AGAP1: variants seen among roughly 807,000 people sequenced by gnomAD.
The protein encoded by AGAP1 is arf-GAP with GTPase, ANK repeat and PH domain-containing protein 1.
Under a neutral mutation model 105.3 loss-of-function variants are expected in AGAP1, and 29 were observed. That is an observed-to-expected ratio of 0.28 (90% CI 0.21 to 0.38). The LOEUF (loss-of-function observed/expected upper bound fraction) is 0.38. Ranked by LOEUF, AGAP1 falls within the 10% of genes least tolerant of loss-of-function variation. AGAP1 has a pLI of 1.00. For synonymous variants in AGAP1, 509 were observed against 485.9 expected (o/e 1.05, Z -0.63); for missense variants, 998 against 1,165.1 (o/e 0.86, Z 2.09).
Position 235,692,472 on chromosome 2 carries a change from G to C in AGAP1, c.164-16707G>C, listed in dbSNP as rs1949779918. Among the ~76,000 whole-genome samples, 1 of 152,092 alleles carries C rather than the reference G, an allele frequency of 6.6e-6. No homozygotes were observed. Among genetic ancestry groups the C allele is most frequent in the Non-Finnish European group, 1.5e-5 (1 of 68,000 alleles). ...GTTGCCAACTCCCAAAAGCCACCAG[G>C]TGACTTCCACTGCCGTTAGAATGAA... On this transcript the variant is annotated intron_variant, in intron 1 of 17. Coordinates refer to ENST00000304032, the MANE Select transcript of AGAP1 (RefSeq NM_001037131.3). The surrounding 1 kb of genome is among the most constrained non-coding windows in gnomAD (Gnocchi z 5.8).
At chr2:235,773,876 A>G in intron 6 of AGAP1, 1 of 448,054 alleles carries the variant, frequency 2.2e-6, no homozygotes, top group Non-Finnish European at 4.5e-6. Context: ...GCCAACATTT[A>G]TTGAAGAGAC....
intron 5 of AGAP1, among the ~76,000 whole-genome samples, chr2:235,745,445 A>G (rs1220030458): frequency 1.3e-5 from 2 of 152,176 alleles, no homozygotes; most frequent in Non-Finnish European, 2.9e-5. Flanking sequence ...CCTGAGACAC[A>G]ATGTCCTCGC....
intron 16 of AGAP1, among the ~76,000 whole-genome samples, chr2:236,093,093 A>G (rs2059105388): frequency 1.3e-5 from 2 of 152,372 alleles, no homozygotes; most frequent in Non-Finnish European, 1.5e-5. Context: ...AAAAATGCCA[A>G]CCAGTAAACA....
intron 13 of AGAP1, among the ~76,000 whole-genome samples, chr2:236,032,863 A>G (rs540412150): frequency 7.7e-4 from 117 of 152,218 alleles, no homozygotes; most frequent in Non-Finnish European, 1.3e-3. Context: ...AAGGAGAGAC[A>G]GAAATGTTGA....
intron 1 of AGAP1, among the ~76,000 whole-genome samples, chr2:235,673,976 G>A (rs1426252525): frequency 6.6e-6 from 1 of 152,216 alleles, no homozygotes; most frequent in Non-Finnish European, 1.5e-5. Flanking sequence ...GAAGCAAGAT[G>A]GCTGGAGTCT....
intron 1 of AGAP1, among the ~76,000 whole-genome samples, chr2:235,523,371 A>G (rs766206430): frequency 3.3e-5 from 5 of 152,096 alleles, no homozygotes; most frequent in African/African-American, 4.8e-5. Flanking sequence ...TGGGGAGAAA[A>G]TGTTTCCTTC....
At chr2:235,593,223 TTC>T (rs1945410817) in intron 1 of AGAP1, among the ~76,000 whole-genome samples, 1 of 152,166 alleles carries the variant, frequency 6.6e-6, no homozygotes, top group Non-Finnish European at 1.5e-5. Flanking sequence ...CTCAAGGAGA[TTC>T]TGTCTTGCAG....
intron 9 of AGAP1, among the ~76,000 whole-genome samples, chr2:235,816,326 T>G (rs111265381): frequency 0.24 from 36,117 of 150,824 alleles, 5,276 homozygotes; most frequent in Admixed American, 0.4. Flanking sequence ...TAGTCCCAGC[T>G]ACTTGGGAGC....
rs1015731553 is a variant in AGAP1 at position 236,058,768 on chromosome 2, G to A, written c.2114+9487G>A. ...CAAAAGCATCCAGATTTGAAAAGAAGTAAAACTACCTCCATTTCCAGATGA... is the reference window on the plus strand; with the variant it reads ...CAAAAGCATCCAGATTTGAAAAGAAATAAAACTACCTCCATTTCCAGATGA... On this transcript the variant is annotated intron_variant, in intron 16 of 17. Coordinates refer to ENST00000304032, the MANE Select transcript of AGAP1 (RefSeq NM_001037131.3). This position sits in a 1 kb window ranked among gnomAD's most constrained non-coding sequence, Gnocchi z 4.6. Among the ~76,000 whole-genome samples, 2 of 152,190 alleles carry A rather than the reference G, an allele frequency of 1.3e-5. No homozygotes were observed. Among genetic ancestry groups the A allele is most frequent in the African/African-American group, 2.4e-5 (1 of 41,448 alleles).
chr2:235,638,635 G>A (rs1465687565), intron 1 of AGAP1, among the ~76,000 whole-genome samples: 1 of 151,994 alleles, frequency 6.6e-6, no homozygotes. Flanking sequence ...AGTATGAATG[G>A]TGGTTCCCAA....
intron 1 of AGAP1, among the ~76,000 whole-genome samples, chr2:235,653,788 G>T (rs2149328205): frequency 6.6e-6 from 1 of 152,352 alleles, no homozygotes; most frequent in South Asian, 2.1e-4. Flanking sequence ...TGGGCACAGT[G>T]GCTCACGCCT....
chr2:235,522,753 T>C (rs1428871311), intron 1 of AGAP1, among the ~76,000 whole-genome samples: 2 of 152,194 alleles, frequency 1.3e-5, no homozygotes, highest in East Asian at 3.9e-4. Context: ...TCTTGGCCTT[T>C]GTGCCTGAGC....
At chr2:236,024,406 A>G (rs2125613922) in intron 13 of AGAP1, among the ~76,000 whole-genome samples, 1 of 152,172 alleles carries the variant, frequency 6.6e-6, no homozygotes. Flanking sequence ...GGCCTTTGCA[A>G]GAGCACAGTG....
At chr2:235,648,390 C>G (rs576488451) in intron 1 of AGAP1, among the ~76,000 whole-genome samples, 1 of 152,332 alleles carries the variant, frequency 6.6e-6, no homozygotes, top group South Asian at 2.1e-4. Context: ...GAAATGCACT[C>G]TTGGAACCAT....
chr2:235,870,270 C>T (rs920180914), intron 9 of AGAP1, among the ~76,000 whole-genome samples: 10 of 152,162 alleles, frequency 6.6e-5, no homozygotes, highest in South Asian at 4.1e-4. Context: ...CGGAAGACCA[C>T]GATACGCAGG....
intron 9 of AGAP1, among the ~76,000 whole-genome samples, chr2:235,822,436 ACTCAAGGGTGAGGAAGAGCTGGAGAAG>A (rs1378031125): frequency 1.2e-4 from 16 of 135,018 alleles, no homozygotes; most frequent in African/African-American, 1.2e-4. Context: ...AGATGGAGAA[ACTCAAGGGTGAGGAAGAGCTGGAGAAG>A]CTCAAGGGTG....
At chr2:235,835,569 T>C (rs1390092803) in intron 9 of AGAP1, among the ~76,000 whole-genome samples, 1 of 152,238 alleles carries the variant, frequency 6.6e-6, no homozygotes, top group African/African-American at 2.4e-5. Context: ...CTTTGTCCAT[T>C]ACTTTGTTAA....
At chr2:235,774,088 C>G in intron 6 of AGAP1, 1 of 424,836 alleles carries the variant, frequency 2.4e-6, no homozygotes, top group Non-Finnish European at 4.8e-6. Flanking sequence ...GATTGTTTTA[C>G]TGCCTTGCAA....
In AGAP1 at chr2:235,721,571, A is replaced by C. The variant is rs1316081732; in HGVS notation, c.310+3927A>C. Among the ~76,000 whole-genome samples, 3 of 152,226 alleles carry C rather than the reference A, an allele frequency of 2.0e-5. No homozygotes were observed. The highest frequency in any genetic ancestry group is 6.5e-5 in the Admixed American group (1 of 15,286). ...GCACTGTAGTAACGAACTGCCACAC[A>C]CAGTGTGGCTTAAAACAGAAATGTA... On this transcript the variant is annotated intron_variant, in intron 3 of 17. Coordinates refer to ENST00000304032, the MANE Select transcript of AGAP1 (RefSeq NM_001037131.3). This position sits in a 1 kb window ranked among gnomAD's most constrained non-coding sequence, Gnocchi z 4.5.
Sources: gnomAD v4.1 joint callset for allele counts (sites outside exome capture counted in the v4.1 genomes callset) on GRCh38, gnomAD v4.1.1 for gene constraint, Gnocchi (gnomAD v3.1) non-coding constraint, MANE v1.5 for transcripts, NCBI Gene and HGNC (gene_info 2026-07-23, HGNC 2026-07-21) for gene names.